Variants in TRPM6 observed in about 807,000 individuals in gnomAD.
TRPM6 encodes transient receptor potential cation channel subfamily M member 6, also known as channel kinase 2.
In TRPM6, 111 loss-of-function variants were observed where a neutral mutation model predicts 247.6. That is an observed-to-expected ratio of 0.45 (90% CI 0.38 to 0.52). The LOEUF (loss-of-function observed/expected upper bound fraction) is 0.52. Ranked by LOEUF, TRPM6 falls within the 20% of genes least tolerant of loss-of-function variation. The probability of loss-of-function intolerance (pLI) is 0.00; values close to 1 mark genes in which losing one functional copy is unlikely to be tolerated. For missense variants in TRPM6, 2,126 were observed against 2,421.5 expected (o/e 0.88, Z 2.56); for synonymous variants, 892 against 853.8 (o/e 1.04, Z -0.78).
chr9:74,860,574 G>T (rs955172343), intron 1 of TRPM6, among the ~76,000 whole-genome samples: 1 of 152,090 alleles, frequency 6.6e-6, no homozygotes, highest in Non-Finnish European at 1.5e-5. Flanking sequence ...GGTCAGACTG[G>T]TCTCAAACTC....
chr9:74,747,697 C>G (rs76692977), intron 31 of TRPM6, among the ~76,000 whole-genome samples, 192 bp downstream of exon 31: 1 of 152,084 alleles, frequency 6.6e-6, no homozygotes, highest in Non-Finnish European at 1.5e-5. Flanking sequence ...AAGTTTTAAA[C>G]CAGACATCAA....
chr9:74,809,804 C>T (rs369666967), intron 13 of TRPM6, among the ~76,000 whole-genome samples: 2 of 151,700 alleles, frequency 1.3e-5, no homozygotes, highest in South Asian at 2.1e-4. Flanking sequence ...CATGGTGAAA[C>T]CCCACGTCTA....
rs368746098 is a variant in TRPM6 at position 74,742,629 on chromosome 9, G to T, written c.5135-3C>A. On this transcript the variant is annotated splice_polypyrimidine_tract_variant and splice_region_variant and intron_variant, in intron 32 of 38. Coordinates refer to ENST00000360774, the MANE Select transcript of TRPM6 (RefSeq NM_017662.5). Reference sequence around the variant, plus strand: ...CATTAAATTATTCCTTTCAATGGCTGCAAACAAAAACAGATTTTCTATTTT... The same window carrying T: ...CATTAAATTATTCCTTTCAATGGCTTCAAACAAAAACAGATTTTCTATTTT... 2.5e-6 allele frequency: 4 copies of T among 1,613,270 alleles called. No homozygotes were observed. The African/African-American group carries it at 5.3e-5, about 22-fold the overall frequency.
chr9:74,743,728 C>T (rs1159928703), intron 32 of TRPM6, among the ~76,000 whole-genome samples: 2 of 152,170 alleles, frequency 1.3e-5, no homozygotes, highest in African/African-American at 2.4e-5. Context: ...GGGTACAAAA[C>T]CCTCCCTCAA....
intron 13 of TRPM6, 127 bp from the exon 14 acceptor site, chr9:74,808,301 CT>C: frequency 8.3e-7 from 1 of 1,200,634 alleles, no homozygotes. Flanking sequence ...TCTTTACAAA[CT>C]GATTAATTTA....
chr9:74,776,022 G>A lies in TRPM6; in HGVS notation c.3264C>T (p.Arg1088=), dbSNP rs1281445045. 3 of 1,614,014 alleles carry A rather than the reference G, an allele frequency of 1.9e-6. No homozygotes were observed. The African/African-American group carries it at 4.0e-5, about 22-fold the overall frequency. The change falls in exon 24 of 39, where the codon CGC becomes CGT. Residue 1088 remains arginine (R), a synonymous_variant. Coordinates refer to ENST00000360774, the MANE Select transcript of TRPM6 (RefSeq NM_017662.5). ...SISNNLWKYN[R]YRYIMTYHEK... ...CGTGGTAGGTCATGATGTAGCGATA[G>A]CGGTTGTATTTCCACAGGTTATTTG...
chr9:74,791,699 C>T (rs1048875571), intron 19 of TRPM6, among the ~76,000 whole-genome samples: 1 of 152,162 alleles, frequency 6.6e-6, no homozygotes, highest in Non-Finnish European at 1.5e-5. Flanking sequence ...AAACCAAACA[C>T]TTGCATCATT....
In TRPM6 at chr9:74,771,779, C is replaced by T. The variant is rs371962660; in HGVS notation, c.3460G>A (p.Val1154Met). The T allele has an allele frequency of 5.5e-5, 88 of 1,613,224 alleles. No individual in the cohort carries two copies. In the East Asian group the frequency reaches 1.3e-3, roughly 23 times the overall value. Reference protein sequence around the residue: ...KKLHDFEEQCVEKYFHEKMED... With the variant: ...KKLHDFEEQCMEKYFHEKMED... ...ATCTTCTCATGGAAGTATTTTTCCA[C>T]GCACTGCTCCTCAAAATCATGAAGT... is the stretch of plus-strand genomic sequence containing the variant. Residue 1154 changes from valine to methionine, a missense_variant, in exon 25 of 39, where the codon GTG becomes ATG. This residue lies in a region of TRPM6 where 717 missense variants were observed against 715.9 expected (regional missense o/e 1.00). Coordinates refer to ENST00000360774, the MANE Select transcript of TRPM6 (RefSeq NM_017662.5).
intron 14 of TRPM6, among the ~76,000 whole-genome samples, chr9:74,807,706 A>G (rs1047633862): frequency 1.3e-5 from 2 of 152,138 alleles, no homozygotes; most frequent in African/African-American, 4.8e-5. Context: ...AAAAAAGAAA[A>G]GAAAAAAAAA....
chr9:74,758,192 C>T (rs1282005497), intron 27 of TRPM6, among the ~76,000 whole-genome samples: 3 of 152,070 alleles, frequency 2.0e-5, no homozygotes, highest in Non-Finnish European at 4.4e-5. Flanking sequence ...GTTAATTCTA[C>T]GAATACTTCA....
intron 38 of TRPM6, among the ~76,000 whole-genome samples, chr9:74,725,734 C>CA (rs1825296421): frequency 6.6e-6 from 1 of 152,200 alleles, no homozygotes; most frequent in Non-Finnish European, 1.5e-5. Context: ...GTGAGGCCTC[C>CA]CCAGCCATGT....
rs972534890 is a variant in TRPM6 at position 74,842,027 on chromosome 9, C to T, written c.330+139G>A. The stretch of plus-strand genomic sequence containing the variant: ...TCAGGAGGTTGAGGCAGGAGAATCA[C>T]TTGAACCCGGGAGGCAGAGGTTGCA... On this transcript the variant is annotated intron_variant, in intron 4 of 38. Transcript: ENST00000360774. 9 of 910,414 alleles carry T rather than the reference C, an allele frequency of 9.9e-6. No homozygotes were observed. The Admixed American group carries it at 1.7e-4, about 17-fold the overall frequency. 56.4% of individuals were successfully genotyped at this position (910,414 alleles called of 1,614,324 possible).
Position 74,722,625 on chromosome 9 carries a change from A to ACTG in TRPM6, c.*1985_*1987dup, listed in dbSNP as rs1199740208. ...GCCTCTTTCCATAGTTGAGTGCAGC[A>ACTG]CTGAGGTGAGTACCAATTGTTCCTT... is the stretch of plus-strand genomic sequence containing the variant. On this transcript the variant is annotated 3_prime_UTR_variant, in exon 39 of 39. Transcript: ENST00000360774. The ACTG allele has an allele frequency of 2.0e-5, 3 of 152,202 alleles. No homozygotes were observed. Among genetic ancestry groups the ACTG allele is most frequent in the African/African-American group, 7.2e-5 (3 of 41,446 alleles). The allele number at this position is 152,202 out of a possible 1,614,324, so 9.4% of individuals were successfully genotyped here.
chr9:74,725,366 C>T (rs1486853761), intron 38 of TRPM6, among the ~76,000 whole-genome samples: 2 of 151,820 alleles, frequency 1.3e-5, no homozygotes, highest in Non-Finnish European at 2.9e-5. Context: ...ACATGTATTT[C>T]TTATTTTTTT....
rs1828431141 is a variant in TRPM6, at chr9:74,803,823, T to C, written c.1702A>G (p.Ile568Val). Residue 568 changes from isoleucine (I) to valine (V), a missense_variant, in exon 15 of 39, where the codon ATT becomes GTT. Physicochemically the swap from Ile to Val is conservative, Grantham distance 29. This residue lies in a region of TRPM6 where 1,082 missense variants were observed against 1,307.9 expected (regional missense o/e 0.83). Transcript: ENST00000360774. ...AATTTGTATGGCTGTGCAGTTCTAA[T>C]GAACTGGGAGTGCAGCGTACTTTCT... The part of the protein sequence containing the change: ...SAESTLHSQF[I>V]RTAQPYKFKE... 1.2e-6 allele frequency: 2 copies of C among 1,612,486 alleles called. No homozygotes were observed. The highest frequency in any genetic ancestry group is 1.1e-5 in the South Asian group (1 of 91,048).
At position 74,858,718 on chromosome 9, in the gene TRPM6, C is replaced by A; in HGVS notation, c.64G>T (p.Asp22Tyr). The change falls in exon 2 of 39, where the codon GAC (aspartate) becomes TAC (tyrosine). Residue 22 changes from aspartate to tyrosine, a missense_variant. This residue lies in a region of TRPM6 where 1,082 missense variants were observed against 1,307.9 expected (regional missense o/e 0.83). Transcript: ENST00000360774. The stretch of plus-strand genomic sequence containing the variant: ...ATGATTGTGCTACATTCTCTCTTGT[C>A]AAATACTCCTTTAATCCAGGATTTC... The part of the protein sequence containing the change: ...SQKSWIKGVF[D>Y]KRECSTIIPS... The A allele has an allele frequency of 1.2e-6, 2 of 1,613,422 alleles. No homozygotes were observed. The highest frequency in any genetic ancestry group is 1.1e-5 in the South Asian group (1 of 91,016).
chr9:74,771,597 G>C (rs963189688), intron 25 of TRPM6, 106 bp downstream of exon 25: 1 of 1,090,524 alleles, frequency 9.2e-7, no homozygotes, highest in African/African-American at 1.6e-5. Flanking sequence ...AAATTATAAA[G>C]AACTCAAACC....
At chr9:74,774,053 G>A (rs1827134672) in intron 24 of TRPM6, among the ~76,000 whole-genome samples, 1 of 152,174 alleles carries the variant, frequency 6.6e-6, no homozygotes, top group South Asian at 2.1e-4. Flanking sequence ...GCAGTATGTG[G>A]CGCTTTCCTG....
chr9:74,766,954 C>T (rs1826848212), intron 25 of TRPM6, among the ~76,000 whole-genome samples: 2 of 152,096 alleles, frequency 1.3e-5, no homozygotes, highest in South Asian at 4.1e-4. Context: ...GTCACATGGC[C>T]CATGAAAATG....
Sources: gnomAD v4.1 joint callset for allele counts (sites outside exome capture counted in the v4.1 genomes callset) on GRCh38, gnomAD v4.1.1 for gene constraint, gnomAD v4.1.1 regional missense constraint, MANE v1.5 for transcripts, NCBI Gene and HGNC (gene_info 2026-07-23, HGNC 2026-07-21) for gene names.